The following CAMK1D variants were observed in gnomAD, a reference collection of about 807,000 sequenced individuals.
The protein encoded by CAMK1D is calcium/calmodulin-dependent protein kinase type 1D.
In CAMK1D, 9 loss-of-function variants were observed where a neutral mutation model predicts 47.7. That is an observed-to-expected ratio of 0.19 (90% CI 0.11 to 0.33). The LOEUF (loss-of-function observed/expected upper bound fraction) is 0.33, where lower values mean the gene tolerates loss of function less well. Among genes scored for constraint, CAMK1D ranks in the 10% least tolerant of loss-of-function variants. The pLI, the probability that CAMK1D is intolerant of heterozygous loss-of-function variation, is 1.00. For missense variants in CAMK1D, 291 were observed against 488.7 expected (o/e 0.60, Z 3.81); for synonymous variants, 184 against 184.9 (o/e 0.99, Z 0.04).
At chr10:12,696,426 A>T (rs898358475) in intron 3 of CAMK1D, among the ~76,000 whole-genome samples, 7 of 151,980 alleles carry the variant, frequency 4.6e-5, no homozygotes, top group Non-Finnish European at 1.5e-5. Flanking sequence ...AATCCCAGCT[A>T]CTCAGGAGCC....
chr10:12,577,213 C>G (rs1254557058), intron 2 of CAMK1D, among the ~76,000 whole-genome samples: 1 of 152,196 alleles, frequency 6.6e-6, no homozygotes, highest in Non-Finnish European at 1.5e-5. Context: ...GGTCCCCGGA[C>G]ACACAGCGAA....
At chr10:12,717,886 C>A (rs1216159323) in intron 3 of CAMK1D, among the ~76,000 whole-genome samples, 1 of 141,380 alleles carries the variant, frequency 7.1e-6, no homozygotes, top group African/African-American at 2.7e-5. Context: ...AGAGTGAGAC[C>A]CTGTCAAAAA....
intron 3 of CAMK1D, among the ~76,000 whole-genome samples, chr10:12,684,197 T>C (rs1832562868): frequency 2.0e-5 from 3 of 152,248 alleles, no homozygotes; most frequent in South Asian, 4.2e-4. Flanking sequence ...TGTTTTCTAA[T>C]AGTTAGCATT....
intron 1 of CAMK1D, among the ~76,000 whole-genome samples, chr10:12,527,441 G>A (rs906659477): frequency 1.5e-5 from 2 of 132,816 alleles, no homozygotes; most frequent in African/African-American, 2.9e-5. Flanking sequence ...TGCAACCTCC[G>A]CCTCCCAGGT....
intron 1 of CAMK1D, among the ~76,000 whole-genome samples, chr10:12,384,408 G>A (rs1465924582): frequency 1.3e-5 from 2 of 152,108 alleles, no homozygotes; most frequent in Non-Finnish European, 2.9e-5. Context: ...AAACAGTCTT[G>A]AAAAAGAAGA....
At position 12,673,165 on chromosome 10, in the gene CAMK1D, G is replaced by A. The variant is rs376622360; in HGVS notation, c.299+6355G>A. Among the ~76,000 whole-genome samples the A allele has an allele frequency of 2.0e-3, 297 of 152,172 alleles. 1 individual carries two copies. In the Middle Eastern group the frequency reaches 0.034, roughly 17 times the overall value. On this transcript the variant is annotated intron_variant, in intron 3 of 10. Coordinates refer to ENST00000619168, the MANE Select transcript of CAMK1D (RefSeq NM_153498.4). ...CTCCCAAAGTGCTAAGATTATAGGT[G>A]TGAGCCACCGTGCCCGGCTGCCTTT...
At chr10:12,400,062 G>GA (rs142730699) in intron 1 of CAMK1D, among the ~76,000 whole-genome samples, 1,810 of 152,296 alleles carry the variant, frequency 0.012, 33 homozygotes, top group African/African-American at 0.041. Context: ...GGCAACTTCT[G>GA]AAAACATAAC....
At chr10:12,591,596 G>A (rs1035164254) in intron 2 of CAMK1D, among the ~76,000 whole-genome samples, 1 of 152,220 alleles carries the variant, frequency 6.6e-6, no homozygotes, top group Admixed American at 6.5e-5. Context: ...GTATTTCCAC[G>A]TAGGGAAAGA....
intron 2 of CAMK1D, among the ~76,000 whole-genome samples, chr10:12,563,379 T>C (rs1007833042): frequency 2.0e-5 from 3 of 152,144 alleles, no homozygotes; most frequent in African/African-American, 7.2e-5. Flanking sequence ...GAAGAACAAA[T>C]TGATTCTTCC....
At chr10:12,635,082 A>T (rs1839476606) in intron 2 of CAMK1D, among the ~76,000 whole-genome samples, 1 of 152,136 alleles carries the variant, frequency 6.6e-6, no homozygotes, top group Non-Finnish European at 1.5e-5. Flanking sequence ...ACAGTGGATG[A>T]TCAACAAGAT....
chr10:12,809,247 A>AT (rs1244140448), intron 6 of CAMK1D, among the ~76,000 whole-genome samples: 2 of 152,140 alleles, frequency 1.3e-5, no homozygotes, highest in Non-Finnish European at 2.9e-5. Context: ...GATATTGAGC[A>AT]TTTTTTCACA....
At chr10:12,797,744 T>G (rs1838256214) in intron 6 of CAMK1D, among the ~76,000 whole-genome samples, 2 of 152,182 alleles carry the variant, frequency 1.3e-5, no homozygotes, top group African/African-American at 4.8e-5. Context: ...GAGTCCATCC[T>G]GGGGATGCTA....
chr10:12,451,498 G>A (rs1447742845), intron 1 of CAMK1D, among the ~76,000 whole-genome samples: 1 of 152,204 alleles, frequency 6.6e-6, no homozygotes, highest in East Asian at 1.9e-4. Flanking sequence ...GGCTCCATTT[G>A]AGGATTTCCA....
intron 5 of CAMK1D, among the ~76,000 whole-genome samples, chr10:12,789,899 A>C (rs1186082206): frequency 6.6e-6 from 1 of 152,254 alleles, no homozygotes; most frequent in Non-Finnish European, 1.5e-5. Context: ...TTGGGGGCAA[A>C]GGAGATTTTA....
chr10:12,456,634 C>G (rs578166058), intron 1 of CAMK1D: 1 of 152,162 alleles, frequency 6.6e-6, no homozygotes, highest in African/African-American at 2.4e-5. Context: ...AAATCTTAGC[C>G]AGGCATGGCG....
At chr10:12,693,283 T>C (rs1323900258) in intron 3 of CAMK1D, among the ~76,000 whole-genome samples, 1 of 152,072 alleles carries the variant, frequency 6.6e-6, no homozygotes, top group Non-Finnish European at 1.5e-5. Flanking sequence ...GAGAATTGCT[T>C]GAACACGGTA....
intron 6 of CAMK1D, among the ~76,000 whole-genome samples, chr10:12,805,430 G>A (rs1000921035): frequency 1.4e-5 from 2 of 145,532 alleles, no homozygotes; most frequent in Non-Finnish European, 3.0e-5. Context: ...AGAGTGCAGT[G>A]CGCGATCTCA....
At chr10:12,753,589 G>A (rs558787864) in intron 3 of CAMK1D, among the ~76,000 whole-genome samples, 2 of 152,246 alleles carry the variant, frequency 1.3e-5, no homozygotes, top group South Asian at 2.1e-4. Context: ...ATCTTAGAAC[G>A]GGCTGCCTCA....
chr10:12,551,275 G>T (rs1480599417), intron 1 of CAMK1D, among the ~76,000 whole-genome samples: 1 of 152,184 alleles, frequency 6.6e-6, no homozygotes, highest in African/African-American at 2.4e-5. Flanking sequence ...ATTGTGAACT[G>T]TGCACGCGAG....
Sources: allele counts gnomAD v4.1 joint callset (sites outside exome capture counted in the v4.1 genomes callset), GRCh38; gene constraint gnomAD v4.1.1; transcripts MANE v1.5; gene names NCBI Gene and HGNC (gene_info 2026-07-23, HGNC 2026-07-21).